The following NLGN1 variants were observed in gnomAD, a reference collection of about 807,000 sequenced individuals.
NLGN1 encodes neuroligin 1.
In NLGN1, 12 loss-of-function variants were observed where a neutral mutation model predicts 65.5. The ratio of observed to expected loss-of-function variants is 0.18; its 90% confidence interval spans 0.12 to 0.30. The LOEUF (loss-of-function observed/expected upper bound fraction) is 0.30. Among genes scored for constraint, NLGN1 ranks in the 10% least tolerant of loss-of-function variants. NLGN1 has a pLI of 1.00. For missense variants in NLGN1, 750 were observed against 1,007.1 expected, an observed-to-expected ratio of 0.74 and a Z score of 3.46; for synonymous variants, 350 against 359.5, an observed-to-expected ratio of 0.97 and a Z score of 0.30.
At chr3:174,271,986 A>G (rs1408209317) in intron 4 of NLGN1, among the ~76,000 whole-genome samples, 1 of 151,756 alleles carries the variant, frequency 6.6e-6, no homozygotes, top group Non-Finnish European at 1.5e-5. Context: ...CTGAAAAGGA[A>G]AAGAGTTCGC....
intron 4 of NLGN1, among the ~76,000 whole-genome samples, chr3:173,981,643 T>G (rs1195076372): frequency 6.6e-6 from 1 of 152,140 alleles, no homozygotes; most frequent in African/African-American, 2.4e-5. Context: ...TTAATTTTGC[T>G]GGGGTTGTAT....
intron 2 of NLGN1, among the ~76,000 whole-genome samples, chr3:173,484,264 A>G (rs1727788192): frequency 1.3e-5 from 2 of 151,782 alleles, no homozygotes; most frequent in South Asian, 4.1e-4. Context: ...TGCTTAATGG[A>G]TGACAAAATC....
chr3:173,548,900 A>G (rs1349477653), intron 2 of NLGN1, among the ~76,000 whole-genome samples: 4 of 152,000 alleles, frequency 2.6e-5, no homozygotes, highest in Non-Finnish European at 4.4e-5. Context: ...TACCACTAAA[A>G]AATAACTCAA....
chr3:173,411,695 C>T (rs547550251), intron 1 of NLGN1, among the ~76,000 whole-genome samples: 5 of 152,074 alleles, frequency 3.3e-5, no homozygotes, highest in African/African-American at 4.8e-5. Flanking sequence ...ATTCCTACCC[C>T]GCCCTCCAAA....
At chr3:173,689,325 G>C (rs1025838393) in intron 3 of NLGN1, among the ~76,000 whole-genome samples, 11 of 152,160 alleles carry the variant, frequency 7.2e-5, no homozygotes, top group Non-Finnish European at 1.5e-4. Context: ...TATCTTGTAA[G>C]GAGGCTTCCC....
At chr3:174,073,587 C>G (rs1740339390) in intron 4 of NLGN1, among the ~76,000 whole-genome samples, 1 of 152,048 alleles carries the variant, frequency 6.6e-6, no homozygotes, top group Admixed American at 6.6e-5. Context: ...AGCAGTGAAG[C>G]CTGAAAGATC....
chr3:173,542,108 T>C (rs2149233753), intron 2 of NLGN1, among the ~76,000 whole-genome samples: 1 of 152,072 alleles, frequency 6.6e-6, no homozygotes, highest in East Asian at 1.9e-4. Context: ...TTATTTACTT[T>C]GTATTTTTAA....
intron 4 of NLGN1, among the ~76,000 whole-genome samples, chr3:173,894,512 CT>C (rs2152140402): frequency 6.6e-6 from 1 of 152,160 alleles, no homozygotes; most frequent in South Asian, 2.1e-4. Flanking sequence ...AAGATACAGT[CT>C]CATAGATACT....
At chr3:174,038,880 T>G (rs1579931854) in intron 4 of NLGN1, among the ~76,000 whole-genome samples, 1 of 152,154 alleles carries the variant, frequency 6.6e-6, no homozygotes, top group Non-Finnish European at 1.5e-5. Flanking sequence ...ACTAAGAAAA[T>G]GTACTCTAGC....
intron 2 of NLGN1, among the ~76,000 whole-genome samples, chr3:173,510,352 T>C (rs187526813): frequency 0.024 from 3,627 of 152,336 alleles, 55 homozygotes; most frequent in Middle Eastern, 0.048. Context: ...CATCACTGTC[T>C]GTATGATTAA....
intron 4 of NLGN1, among the ~76,000 whole-genome samples, chr3:174,221,405 A>G (rs1046011921): frequency 5.9e-5 from 9 of 152,074 alleles, no homozygotes; most frequent in African/African-American, 1.7e-4. Flanking sequence ...TCATTTTTCT[A>G]TAGAATTATC....
Position 174,173,577 on chromosome 3 carries a change from AT to A in NLGN1, c.647-101735del, listed in dbSNP as rs1338651272. On this transcript the variant is annotated intron_variant, in intron 4 of 6. Coordinates refer to ENST00000457714, the Ensembl canonical transcript of NLGN1. ...TTTTTCAGCATCAGTTGAAATAGTC[AT>A]TTGGTTTTTGTCCTTGATTTTGTTG... 7.2e-5 allele frequency among the ~76,000 whole-genome samples: 11 copies of A among 151,910 alleles called. 1 individual carries two copies. The highest frequency in any genetic ancestry group is 7.2e-4 in the Admixed American group (11 of 15,194).
At chr3:174,252,467 G>T (rs1342069799) in intron 4 of NLGN1, among the ~76,000 whole-genome samples, 1 of 152,124 alleles carries the variant, frequency 6.6e-6, no homozygotes, top group Non-Finnish European at 1.5e-5. Flanking sequence ...ACACAATATA[G>T]TGAGTTGTTT....
At chr3:173,542,575 T>C (rs988280312) in intron 2 of NLGN1, among the ~76,000 whole-genome samples, 13 of 152,092 alleles carry the variant, frequency 8.5e-5, no homozygotes, top group Non-Finnish European at 1.3e-4. Flanking sequence ...GGGGGACTGA[T>C]AATGTGAGAT....
chr3:174,250,688 T>G lies in NLGN1; in HGVS notation c.647-24627T>G, dbSNP rs1305972345. ...GTGAAGCAGAGTTGGTGCTGGGCCT[T>G]GAAGCTGAGTTTGAGAAGTTAACAT... On this transcript the variant is annotated intron_variant, in intron 4 of 6. Coordinates refer to ENST00000457714, the Ensembl canonical transcript of NLGN1. Among the ~76,000 whole-genome samples the G allele has an allele frequency of 4.6e-5, 7 of 151,876 alleles. No individual in the cohort carries two copies. In the East Asian group the frequency reaches 1.4e-3, roughly 29 times the overall value.
chr3:174,068,455 A>G (rs1739133889), intron 4 of NLGN1, among the ~76,000 whole-genome samples: 1 of 151,766 alleles, frequency 6.6e-6, no homozygotes, highest in Non-Finnish European at 1.5e-5. Context: ...GGCTACTGCT[A>G]CTCAGAAACA....
chr3:173,870,006 A>T (rs190074620), intron 4 of NLGN1, among the ~76,000 whole-genome samples: 126 of 152,294 alleles, frequency 8.3e-4, no homozygotes, highest in Non-Finnish European at 1.5e-3. Context: ...TCAGCAATAG[A>T]TCTAGAGGCT....
intron 2 of NLGN1, among the ~76,000 whole-genome samples, chr3:173,603,292 T>G (rs1258021154): frequency 6.6e-6 from 1 of 152,188 alleles, no homozygotes; most frequent in Non-Finnish European, 1.5e-5. Flanking sequence ...CTCTGTGGAT[T>G]ACGTTGCACT....
At chr3:173,991,097 C>G (rs1721005937) in intron 4 of NLGN1, among the ~76,000 whole-genome samples, 1 of 152,034 alleles carries the variant, frequency 6.6e-6, no homozygotes, top group South Asian at 2.1e-4. Flanking sequence ...TTAGGGTTCA[C>G]TTTTGGTGTT....
Sources: allele counts gnomAD v4.1 joint callset (sites outside exome capture counted in the v4.1 genomes callset), GRCh38; gene constraint gnomAD v4.1.1; transcripts MANE v1.5; gene names NCBI Gene and HGNC (gene_info 2026-07-23, HGNC 2026-07-21).